CDH16: variants seen among roughly 807,000 people sequenced by gnomAD.
The protein encoded by CDH16 is cadherin 16, also known as cadherin-16.
Under a neutral mutation model 87.6 loss-of-function variants are expected in CDH16, and 79 were observed. The ratio of observed to expected loss-of-function variants is 0.90; its 90% CI spans 0.75 to 1.09. CDH16 has a LOEUF of 1.09. Among genes scored for constraint, CDH16 ranks in the 50% least tolerant of loss-of-function variants. The probability of loss-of-function intolerance (pLI) is 0.00; values close to 1 mark genes in which losing one functional copy is unlikely to be tolerated. For missense variants in CDH16, 1,124 were observed against 1,071.7 expected (o/e 1.05, Z -0.68); for synonymous variants, 457 against 439.5 (o/e 1.04, Z -0.50).
In CDH16 at chr16:66,916,225, C is replaced by G; in HGVS notation, c.286-22G>C. 6.2e-7 allele frequency: 1 copy of G among 1,614,232 alleles called. No individual in the cohort carries two copies. The highest frequency in any genetic ancestry group is 8.5e-7 in the Non-Finnish European group (1 of 1,180,032). On this transcript the variant is annotated intron_variant, in intron 4 of 17. Transcript: ENST00000299752. This position sits in a 1 kb window ranked among gnomAD's most constrained non-coding sequence, Gnocchi z 4.1. ...TGACCTGGCAGGGAAGGGGAGTCAG[C>G]GTCTGGCTCTGCCTTGCCTGCTCTC...
chr16:66,915,125 C>G (rs1596983011), intron 6 of CDH16, 95 bp downstream of exon 6: 8 of 1,280,972 alleles, frequency 6.2e-6, no homozygotes, highest in Non-Finnish European at 7.5e-6. Context: ...CTTTTTACCT[C>G]TCAAGCTCCC....
rs1962706028 is a variant in CDH16 at position 66,916,951 on chromosome 16, G to A, written c.130-522C>T. ...TCACACTGGGCTCTTGGCCACTCAA[G>A]GATTCTGTCGGAATTTCACCTCTGT... On this transcript the variant is annotated intron_variant, in intron 3 of 17. Transcript: ENST00000299752. The surrounding 1 kb of genome is among the most constrained non-coding windows in gnomAD (Gnocchi z 4.1). Among the ~76,000 whole-genome samples, 1 of 152,094 alleles carries A rather than the reference G, an allele frequency of 6.6e-6. No individual in the cohort carries two copies. The highest frequency in any genetic ancestry group is 2.4e-5 in the African/African-American group (1 of 41,396).
chr16:66,910,398 T>A lies in CDH16; in HGVS notation c.2029A>T (p.Thr677Ser). 6.2e-7 allele frequency: 1 copy of A among 1,612,440 alleles called. No individual in the cohort carries two copies. Residue 677 changes from threonine (T) to serine (S), a missense_variant, in exon 15 of 18, where the codon ACA (threonine) becomes TCA (serine). By Grantham distance (58) the Thr-to-Ser change is moderately conservative. Transcript: ENST00000299752. ...LAPVPSQYLC[T>S]PRQDHGLIVS... ...ATCAAGCCATGGTCTTGGCGGGGTG[T>A]GCAGAGGTATTGGGAGGGCACAGGG...
Position 66,916,198 on chromosome 16 carries a change from G to A in CDH16, c.291C>T (p.Thr97=). The A allele has an allele frequency of 6.2e-7, 1 of 1,614,254 alleles. No individual in the cohort carries two copies. Among genetic ancestry groups the A allele is most frequent in the Non-Finnish European group, 8.5e-7 (1 of 1,180,044 alleles). The change falls in exon 5 of 18, where the codon ACC becomes ACT. Residue 97 remains threonine, a synonymous_variant. Coordinates refer to ENST00000299752, the MANE Select transcript of CDH16 (RefSeq NM_004062.4). The surrounding 1 kb of genome is among the most constrained non-coding windows in gnomAD (Gnocchi z 4.1). ...EEQAEYQLQV[T]LEMQDGHVLW... is the part of the protein sequence containing the mutation. ...AGACATGTCCATCCTGCATCTCCAGGGTGACCTGGCAGGGAAGGGGAGTCA... is the reference window on the plus strand; with the variant it reads ...AGACATGTCCATCCTGCATCTCCAGAGTGACCTGGCAGGGAAGGGGAGTCA...
In CDH16 at chr16:66,918,003, G is replaced by A. The variant is rs775243029; in HGVS notation, c.45+18C>T. 5.7e-6 allele frequency: 9 copies of A among 1,566,526 alleles called. No homozygotes were observed. Among genetic ancestry groups the A allele is most frequent in the South Asian group, 3.6e-5 (3 of 84,486 alleles). On this transcript the variant is annotated intron_variant, in intron 2 of 17. Coordinates refer to ENST00000299752, the MANE Select transcript of CDH16 (RefSeq NM_004062.4). ...CCAAAGCCAAGACCTGAAGGAGAGG[G>A]GGCAGGGCCTAGCTCACCTGGGGGA...
rs766580176 is a variant in CDH16 at position 66,912,055 on chromosome 16, G to T, written c.1634C>A (p.Pro545His). 6.2e-7 allele frequency: 1 copy of T among 1,613,994 alleles called. No homozygotes were observed. Among genetic ancestry groups the T allele is most frequent in the Non-Finnish European group, 8.5e-7 (1 of 1,180,032 alleles). ...VAKLVGPGPG[P>H]GATATVTVLV... ...CACAGTCACCGTGGCGGTGGCTCCA[G>T]GGCCTGGGCCTGGCCCCACCAGCTT... The change falls in exon 13 of 18, where the codon CCT becomes CAT. Residue 545 changes from proline (P) to histidine (H), a missense_variant. By Grantham distance (77) the Pro-to-His change is moderately conservative (BLOSUM62 -2). Transcript: ENST00000299752.
intron 7 of CDH16, 83 bp from the exon 8 acceptor site, chr16:66,913,696 G>A: frequency 6.5e-7 from 1 of 1,550,144 alleles, no homozygotes; most frequent in Non-Finnish European, 8.7e-7. Flanking sequence ...TGAGGAGCCT[G>A]AGCCCAACTG....
In CDH16 at chr16:66,912,424, G is replaced by A; in HGVS notation, c.1366C>T (p.Pro456Ser). ...APEFITSQIG[P>S]ISLPEDVEPG... ...TCCACATCCTCAGGGAGGCTTATAG[G>A]CCCAATCTGGAGGAGGAGGAGGGAT... Residue 456 changes from proline to serine, a missense_variant, in exon 12 of 18, where the codon CCT becomes TCT. Coordinates refer to ENST00000299752, the MANE Select transcript of CDH16 (RefSeq NM_004062.4). The A allele has an allele frequency of 6.2e-7, 1 of 1,613,990 alleles. No homozygotes were observed. The highest frequency in any genetic ancestry group is 1.7e-5 in the Admixed American group (1 of 60,020).
Position 66,908,238 on chromosome 16 carries a change from A to G in CDH16, c.*154T>C. On this transcript the variant is annotated 3_prime_UTR_variant, in exon 18 of 18. Transcript: ENST00000299752. ...AAGTTGGTGTCCAGGCTCTGCAGAC[A>G]TGCCTGGTGATGGTGATGGTGCCTC... 1.6e-6 allele frequency: 1 copy of G among 626,730 alleles called. No individual in the cohort carries two copies. 38.8% of individuals were successfully genotyped at this position (626,730 alleles called of 1,614,324 possible).
intron 6 of CDH16, 88 bp downstream of exon 6, chr16:66,915,132 T>C: frequency 7.6e-7 from 1 of 1,311,346 alleles, no homozygotes. Context: ...CCTCTCAAGC[T>C]CCCACCCATG....
intron 14 of CDH16, 84 bp from the exon 15 acceptor site, chr16:66,910,586 A>G: frequency 7.2e-7 from 1 of 1,384,306 alleles, no homozygotes; most frequent in Non-Finnish European, 9.5e-7. Flanking sequence ...CCCGCAGCCC[A>G]TGAGCCTCGC....
chr16:66,908,541 G>GT (rs1262730957), intron 17 of CDH16, 52 bp from the exon 18 acceptor site: 5 of 1,387,622 alleles, frequency 3.6e-6, no homozygotes, highest in Non-Finnish European at 5.1e-6. Context: ...TGTGGGACTT[G>GT]TTCATCACGA....
At chr16:66,913,382 GC>G in intron 8 of CDH16, 101 bp from the exon 9 acceptor site, 1 of 1,566,734 alleles carries the variant, frequency 6.4e-7, no homozygotes, top group Non-Finnish European at 8.7e-7. Context: ...GCTCTTCGGG[GC>G]TCTTTCCCAC....
In CDH16 at chr16:66,909,930, C is replaced by G. The variant is rs570682320; in HGVS notation, c.2275+56G>C. Reference sequence around the variant, plus strand: ...TATGCATGTGTACCAGCTCCCTCCCCTTGCATCCCAGCGGTTCCCTCAGGA... The same window carrying G: ...TATGCATGTGTACCAGCTCCCTCCCGTTGCATCCCAGCGGTTCCCTCAGGA... On this transcript the variant is annotated intron_variant, in intron 16 of 17. Coordinates refer to ENST00000299752, the MANE Select transcript of CDH16 (RefSeq NM_004062.4). The surrounding 1 kb of genome is among the most constrained non-coding windows in gnomAD (Gnocchi z 4.1). 3 of 1,323,212 alleles carry G rather than the reference C, an allele frequency of 2.3e-6. No homozygotes were observed. In the South Asian group the frequency reaches 3.9e-5, roughly 17 times the overall value. The allele number at this position is 1,323,212 out of a possible 1,614,324, so 82.0% of individuals were successfully genotyped here. A position where few individuals can be genotyped will look rare whatever the true frequency, so the allele number is the denominator to read the frequency against.
chr16:66,911,173 T>C lies in CDH16; in HGVS notation c.1924+9A>G. The C allele has an allele frequency of 6.2e-7, 1 of 1,605,136 alleles. No individual in the cohort carries two copies. Among genetic ancestry groups the C allele is most frequent in the Non-Finnish European group, 8.5e-7 (1 of 1,174,736 alleles). ...CCTCCCAGGGGCTCCCATCACTGCC[T>C]GGCCATACCTGTATCCTGGGCCTCC... On this transcript the variant is annotated intron_variant, in intron 14 of 17. Transcript: ENST00000299752.
chr16:66,908,419 G>C lies in CDH16; in HGVS notation c.2463C>G (p.Asp821Glu). ...SRKKDPDQPA[D>E]SVPLKATV Reference sequence around the variant, plus strand: ...AGACAGTCGCCTTCAGGGGCACGCTGTCTGCTGGTTGATCCGGGTCCTTCT... The same window carrying C: ...AGACAGTCGCCTTCAGGGGCACGCTCTCTGCTGGTTGATCCGGGTCCTTCT... The change falls in exon 18 of 18, where the codon GAC (aspartate) becomes GAG (glutamate). Residue 821 changes from aspartate (D) to glutamate (E), a missense_variant. Asp to Glu is a conservative substitution (Grantham distance 45). Transcript: ENST00000299752. 1 of 1,614,088 alleles carries C rather than the reference G, an allele frequency of 6.2e-7. No homozygotes were observed.
chr16:66,918,046 C>T lies in CDH16; in HGVS notation c.20G>A (p.Trp7Ter). 1 of 1,585,722 alleles carries T rather than the reference C, an allele frequency of 6.3e-7. No individual in the cohort carries two copies. Among genetic ancestry groups the T allele is most frequent in the Non-Finnish European group, 8.6e-7 (1 of 1,165,774 alleles). Residue 7 changes from tryptophan to a stop codon, truncating the protein, a stop_gained, in exon 2 of 18, where the codon TGG becomes TAG. Transcript: ENST00000299752. LOFTEE classifies it high-confidence loss of function. ...CTGGGGGACGGAGACACAAAGCAGC[C>T]ACAGCCAGGCAGGGACCATGGTCAG... MVPAWL[W>*]LLCVSVPQAL... is the part of the protein sequence containing the mutation.
rs1476217085 is a variant in CDH16, at chr16:66,910,489, C to A, written c.1938G>T (p.Leu646=). 4 of 1,533,862 alleles carry A rather than the reference C, an allele frequency of 2.6e-6. No individual in the cohort carries two copies. Among genetic ancestry groups the A allele is most frequent in the Non-Finnish European group, 2.6e-6 (3 of 1,136,030 alleles). The change falls in exon 15 of 18, where the codon CTG becomes CTT. Residue 646 remains leucine (L), a synonymous_variant. Transcript: ENST00000299752. The stretch of plus-strand genomic sequence containing the variant: ...GGATCACCAGGGGTGCAGAAGCGCT[C>A]AGTCTCGGCTCATCTGCAGAGGAGG... ...VEAQDTDEPR[L]SASAPLVIHF... is the part of the protein sequence containing the mutation.
At chr16:66,912,196 C>T (rs747765723) in intron 12 of CDH16, 46 bp downstream of exon 12, 1 of 1,599,694 alleles carries the variant, frequency 6.3e-7, no homozygotes, top group South Asian at 1.1e-5. Context: ...CATGTGCATG[C>T]ATGCGTGCAT....
Sources: allele counts gnomAD v4.1 joint callset (sites outside exome capture counted in the v4.1 genomes callset), GRCh38; gene constraint gnomAD v4.1.1; non-coding constraint Gnocchi (gnomAD v3.1); transcripts MANE v1.5; gene names NCBI Gene and HGNC (gene_info 2026-07-23, HGNC 2026-07-21).